The following INPP5A variants were observed in gnomAD, a reference collection of about 807,000 sequenced individuals.
The protein encoded by INPP5A is inositol polyphosphate-5-phosphatase A, also known as 43 kDa inositol polyphosphate 5-phophatase.
A neutral mutation model predicts 65.2 loss-of-function variants in INPP5A; 14 were observed. The observed-to-expected ratio is 0.21, with a 90% confidence interval of 0.14 to 0.34. The LOEUF (loss-of-function observed/expected upper bound fraction) is 0.34. Ranked by LOEUF, INPP5A falls within the 10% of genes least tolerant of loss-of-function variation. The pLI is 1.00. For missense variants in INPP5A, 431 were observed against 545.6 expected (o/e 0.79, Z 2.09); for synonymous variants, 207 against 208.3 (o/e 0.99, Z 0.05).
chr10:132,781,728 C>T, intron 14 of INPP5A, 133 bp from the exon 15 acceptor site: 2 of 749,320 alleles, frequency 2.7e-6, no homozygotes, highest in South Asian at 3.1e-5. Flanking sequence ...CTCTGCTGGC[C>T]ATCAGCTCCT....
intron 9 of INPP5A, among the ~76,000 whole-genome samples, chr10:132,736,210 G>A (rs1363699723): frequency 6.6e-6 from 1 of 152,256 alleles, no homozygotes; most frequent in Non-Finnish European, 1.5e-5. Context: ...GATGTTCAGA[G>A]GGTGTGTTTC....
At chr10:132,635,782 T>C (rs189591282) in intron 2 of INPP5A, among the ~76,000 whole-genome samples, 2 of 151,014 alleles carry the variant, frequency 1.3e-5, no homozygotes, top group African/African-American at 4.9e-5. Context: ...CTGAGCAACA[T>C]AGCAAGATCC....
Position 132,687,117 on chromosome 10 carries a change from G to A in INPP5A, c.307-3275G>A, listed in dbSNP as rs559513071. Among the ~76,000 whole-genome samples the A allele has an allele frequency of 1.1e-3, 172 of 152,278 alleles. 2 individuals are homozygous for A. The highest frequency in any genetic ancestry group is 4.0e-3 in the African/African-American group (167 of 41,554). ...ATGCCACCACGCCTGGCTGATTTTTGTACTTTTAGTAAAGACGGGGTTTCA... is the reference window on the plus strand; with the variant it reads ...ATGCCACCACGCCTGGCTGATTTTTATACTTTTAGTAAAGACGGGGTTTCA... On this transcript the variant is annotated intron_variant, in intron 4 of 15. Coordinates refer to ENST00000368594, the MANE Select transcript of INPP5A (RefSeq NM_005539.5).
At chr10:132,621,292 A>G (rs2072103892) in intron 2 of INPP5A, among the ~76,000 whole-genome samples, 1 of 152,244 alleles carries the variant, frequency 6.6e-6, no homozygotes, top group Non-Finnish European at 1.5e-5. Context: ...AGGGCAAGAA[A>G]GTGTGAACAC....
At chr10:132,779,912 G>A (rs1406259221) in intron 13 of INPP5A, among the ~76,000 whole-genome samples, 1 of 152,218 alleles carries the variant, frequency 6.6e-6, no homozygotes, top group Non-Finnish European at 1.5e-5. Flanking sequence ...GCCTGTGCCC[G>A]CCGTAATTTG....
intron 3 of INPP5A, among the ~76,000 whole-genome samples, chr10:132,646,811 C>T (rs1191099336): frequency 6.6e-6 from 1 of 152,144 alleles, no homozygotes; most frequent in Non-Finnish European, 1.5e-5. Flanking sequence ...GCCGCTGCCA[C>T]ACACTGTGGG....
intron 1 of INPP5A, among the ~76,000 whole-genome samples, chr10:132,556,607 C>CA (rs768712777): frequency 2.8e-4 from 43 of 152,354 alleles, no homozygotes; most frequent in Middle Eastern, 3.4e-3. Context: ...GCATCACACA[C>CA]ATGCTCATCA....
At chr10:132,689,080 AAG>A (rs1258155479) in intron 4 of INPP5A, among the ~76,000 whole-genome samples, 1 of 152,342 alleles carries the variant, frequency 6.6e-6, no homozygotes, top group East Asian at 1.9e-4. Flanking sequence ...ATGAATGTGC[AAG>A]AGTGTACAAG....
At chr10:132,760,336 G>T (rs1214603183) in intron 11 of INPP5A, among the ~76,000 whole-genome samples, 1 of 152,244 alleles carries the variant, frequency 6.6e-6, no homozygotes, top group East Asian at 1.9e-4. Context: ...CAGAGCCAGG[G>T]TCGGACGCTG....
In INPP5A at chr10:132,718,699, C is replaced by G. The variant is rs1845795098; in HGVS notation, c.648-8122C>G. 4.0e-5 allele frequency among the ~76,000 whole-genome samples: 6 copies of G among 150,504 alleles called. 1 individual carries two copies. Among genetic ancestry groups the G allele is most frequent in the Non-Finnish European group, 7.4e-5 (5 of 67,438 alleles). ...TGGTGCCTGGGTTCTGTCTGAGCGCCTTAGACGGTTGTCTGGCGGGTTCTG... is the reference window on the plus strand; with the variant it reads ...TGGTGCCTGGGTTCTGTCTGAGCGCGTTAGACGGTTGTCTGGCGGGTTCTG... On this transcript the variant is annotated intron_variant, in intron 8 of 15. Transcript: ENST00000368594.
chr10:132,604,262 C>T (rs1242978051), intron 1 of INPP5A, among the ~76,000 whole-genome samples: 1 of 150,462 alleles, frequency 6.6e-6, no homozygotes, highest in Admixed American at 6.6e-5. Context: ...CCATCCTGCC[C>T]TGTGCCGTCA....
At chr10:132,756,282 G>A (rs1334049930) in intron 11 of INPP5A, among the ~76,000 whole-genome samples, 1 of 152,032 alleles carries the variant, frequency 6.6e-6, no homozygotes, top group Non-Finnish European at 1.5e-5. Context: ...ACGCATGCGT[G>A]TGCATGTGCA....
chr10:132,555,437 G>A lies in INPP5A; in HGVS notation c.75+17266G>A, dbSNP rs950697301. Among the ~76,000 whole-genome samples, 2 of 152,084 alleles carry A rather than the reference G, an allele frequency of 1.3e-5. No individual in the cohort carries two copies. The highest frequency in any genetic ancestry group is 4.1e-4 in the South Asian group (2 of 4,820). On this transcript the variant is annotated intron_variant, in intron 1 of 15. Coordinates refer to ENST00000368594, the MANE Select transcript of INPP5A (RefSeq NM_005539.5). The surrounding 1 kb of genome is among the most constrained non-coding windows in gnomAD (Gnocchi z 4.4). ...TTGCCTGGCCGGAAGGGGAAGAAGG[G>A]GGGCTTGGGCTGGGGCGTGGCCACG...
intron 8 of INPP5A, among the ~76,000 whole-genome samples, chr10:132,721,536 G>A (rs117611123): frequency 0.021 from 3,127 of 151,186 alleles, 35 homozygotes; most frequent in South Asian, 0.049. Flanking sequence ...GCTATCTTGC[G>A]GTTTCTGTGG....
intron 8 of INPP5A, among the ~76,000 whole-genome samples, chr10:132,724,219 G>A (rs951637035): frequency 6.6e-6 from 1 of 152,198 alleles, no homozygotes; most frequent in African/African-American, 2.4e-5. Flanking sequence ...AACCCGTGCC[G>A]CTGGGAATGT....
In INPP5A at chr10:132,675,708, C is replaced by T. The variant is rs993751358; in HGVS notation, c.307-14684C>T. 1.3e-5 allele frequency among the ~76,000 whole-genome samples: 2 copies of T among 151,978 alleles called. No homozygotes were observed. Among genetic ancestry groups the T allele is most frequent in the Admixed American group, 6.6e-5 (1 of 15,260 alleles). ...CTGCTGTTTTAGCATTTCTGGGGAC[C>T]GGGAACTAAGGTAAATTATTTGAAA... On this transcript the variant is annotated intron_variant, in intron 4 of 15. Coordinates refer to ENST00000368594, the MANE Select transcript of INPP5A (RefSeq NM_005539.5). The surrounding 1 kb of genome is among the most constrained non-coding windows in gnomAD (Gnocchi z 4.2).
intron 11 of INPP5A, among the ~76,000 whole-genome samples, chr10:132,764,811 G>A (rs1237061889): frequency 7.0e-6 from 1 of 143,074 alleles, no homozygotes; most frequent in African/African-American, 2.7e-5. Flanking sequence ...CAGTCCTGCA[G>A]GGTTGAGAGG....
At chr10:132,630,909 G>A (rs1033329605) in intron 2 of INPP5A, among the ~76,000 whole-genome samples, 2 of 152,210 alleles carry the variant, frequency 1.3e-5, no homozygotes, top group East Asian at 1.9e-4. Context: ...ACCTCTGCCC[G>A]TGGCGTCTCC....
At chr10:132,770,061 C>T (rs1430870373) in intron 12 of INPP5A, among the ~76,000 whole-genome samples, 1 of 152,192 alleles carries the variant, frequency 6.6e-6, no homozygotes, top group African/African-American at 2.4e-5. Flanking sequence ...TCACGAAACC[C>T]CATGTAGAAC....
Sources: gnomAD v4.1 joint callset for allele counts (sites outside exome capture counted in the v4.1 genomes callset) on GRCh38, gnomAD v4.1.1 for gene constraint, Gnocchi (gnomAD v3.1) non-coding constraint, MANE v1.5 for transcripts, NCBI Gene and HGNC (gene_info 2026-07-23, HGNC 2026-07-21) for gene names.